Variants in ZNF280D observed in about 807,000 individuals in gnomAD.
ZNF280D encodes suppressor of hairy wing homolog 4.
ZNF280D carries 39 observed loss-of-function variants against 94.7 expected under a neutral mutation model. The ratio of observed to expected loss-of-function variants is 0.41; its 90% CI spans 0.32 to 0.54. The LOEUF (loss-of-function observed/expected upper bound fraction) is 0.54, where lower values mean the gene tolerates loss of function less well. Among genes scored for constraint, ZNF280D ranks in the 20% least tolerant of loss-of-function variants. The pLI, the probability that ZNF280D is intolerant of heterozygous loss-of-function variation, is 0.22. For missense variants in ZNF280D, 1,090 were observed against 1,149.3 expected, an observed-to-expected ratio of 0.95 and a Z score of 0.75; for synonymous variants, 398 against 377.6, an observed-to-expected ratio of 1.05 and a Z score of -0.63.
chr15:56,713,729 A>T (rs1243568811), intron 1 of ZNF280D, among the ~76,000 whole-genome samples: 1 of 152,184 alleles, frequency 6.6e-6, no homozygotes, highest in Non-Finnish European at 1.5e-5. Context: ...AATTAATTTT[A>T]TTTAATGTTC....
At chr15:56,690,324 G>A (rs1175962934) in intron 7 of ZNF280D, among the ~76,000 whole-genome samples, 3 of 152,136 alleles carry the variant, frequency 2.0e-5, no homozygotes, top group Non-Finnish European at 2.9e-5. Context: ...GGTGCTTGCA[G>A]TGAGCCGAGA....
intron 6 of ZNF280D, among the ~76,000 whole-genome samples, chr15:56,694,906 G>A (rs1461944033): frequency 3.3e-5 from 5 of 152,148 alleles, no homozygotes; most frequent in African/African-American, 1.2e-4. Context: ...AGGGGTATAT[G>A]GGAACTGTTT....
chr15:56,650,718 G>A (rs1445661941), intron 19 of ZNF280D, among the ~76,000 whole-genome samples: 3 of 152,038 alleles, frequency 2.0e-5, no homozygotes, highest in African/African-American at 7.2e-5. Flanking sequence ...TCAACTTTTT[G>A]TCAAGAAAAA....
chr15:56,632,075 G>T lies in ZNF280D; in HGVS notation c.2363C>A (p.Ala788Glu). ...TGTTGATGAGCCTTCAAATGAATTT[G>T]CATTACATCCATTTTTTTCTTTTGA... ...ASSKEKNGCNANSFEGSSTTK... is the reference protein window; with the variant it reads ...ASSKEKNGCNENSFEGSSTTK... Residue 788 changes from alanine (A) to glutamate (E), a missense_variant, in exon 22 of 22, where the codon GCA becomes GAA. This residue lies in a region of ZNF280D where 577 missense variants were observed against 568.8 expected (regional missense o/e 1.01). Transcript: ENST00000267807. 6.3e-7 allele frequency: 1 copy of T among 1,595,374 alleles called. No individual in the cohort carries two copies.
rs561521522 is a variant in ZNF280D at position 56,679,740 on chromosome 15, T to G, written c.1005-919A>C. ...TAAAAGAAATTATCTTGAAACTAAG[T>G]GATAATGTCATCAATCTAGATAGCA... On this transcript the variant is annotated intron_variant, in intron 10 of 21. Coordinates refer to ENST00000267807, the MANE Select transcript of ZNF280D (RefSeq NM_017661.4). Among the ~76,000 whole-genome samples the G allele has an allele frequency of 7.3e-4, 111 of 152,334 alleles. 1 individual carries two copies. Among genetic ancestry groups the G allele is most frequent in the African/African-American group, 2.5e-3 (106 of 41,576 alleles).
intron 20 of ZNF280D, among the ~76,000 whole-genome samples, chr15:56,641,427 AT>A (rs2052622248): frequency 1.3e-5 from 2 of 151,974 alleles, no homozygotes; most frequent in Non-Finnish European, 2.9e-5. Context: ...GTCATTTGAT[AT>A]TATATCTTTT....
chr15:56,669,914 TTATATATATATTA>T (rs2054635535), intron 13 of ZNF280D, among the ~76,000 whole-genome samples: 2 of 2,678 alleles, frequency 7.5e-4, no homozygotes, highest in Admixed American at 8.1e-3. Context: ...TATATATATA[TTATATATATATTA>T]TATATATATT....
At chr15:56,679,795 T>G (rs982769489) in intron 10 of ZNF280D, among the ~76,000 whole-genome samples, 2 of 152,208 alleles carry the variant, frequency 1.3e-5, no homozygotes, top group African/African-American at 2.4e-5. Flanking sequence ...TATATACCTC[T>G]TTTCACAAAT....
chr15:56,710,127 G>C (rs1203283462), intron 1 of ZNF280D, among the ~76,000 whole-genome samples: 5 of 152,244 alleles, frequency 3.3e-5, no homozygotes, highest in African/African-American at 1.2e-4. Context: ...AAAAGGACGG[G>C]CGCGGCGGCT....
intron 1 of ZNF280D, among the ~76,000 whole-genome samples, chr15:56,721,627 A>T (rs2058365241): frequency 6.6e-6 from 1 of 151,868 alleles, no homozygotes; most frequent in Admixed American, 6.6e-5. Context: ...AACCTCATGA[A>T]CTCATCTCTG....
rs1383207246 is a variant in ZNF280D, at chr15:56,677,617, A to T, written c.1220T>A (p.Met407Lys). The T allele has an allele frequency of 6.2e-7, 1 of 1,610,352 alleles. No individual in the cohort carries two copies. The highest frequency in any genetic ancestry group is 1.7e-5 in the Admixed American group (1 of 59,650). The change falls in exon 12 of 22, where the codon ATG (methionine) becomes AAG (lysine). Residue 407 changes from methionine (M) to lysine (K), a missense_variant. Around this residue, in one of 3 missense-constraint regions of ZNF280D, gnomAD observed 127 missense variants for 208.6 expected, o/e 0.61. Coordinates refer to ENST00000267807, the MANE Select transcript of ZNF280D (RefSeq NM_017661.4). ...TTCACCAGGTTTATGATTGTCCTTC[A>T]TATGTTGTAAAAGAACATGTTCTGT... ...FETEHVLLQH[M>K]KDNHKPGEMP... is the part of the protein sequence containing the mutation.
At chr15:56,723,650 T>C (rs1175769590) in intron 1 of ZNF280D, among the ~76,000 whole-genome samples, 1 of 152,208 alleles carries the variant, frequency 6.6e-6, no homozygotes, top group East Asian at 1.9e-4. Flanking sequence ...CTTTTAATTA[T>C]ATCTAGTCAA....
intron 9 of ZNF280D, among the ~76,000 whole-genome samples, chr15:56,683,396 G>A (rs773337454): frequency 6.6e-6 from 1 of 152,122 alleles, no homozygotes; most frequent in African/African-American, 2.4e-5. Context: ...CTACGGAGGG[G>A]CATAGCTGAG....
intron 1 of ZNF280D, chr15:56,729,884 T>A (rs560347608): frequency 1.3e-5 from 2 of 152,344 alleles, no homozygotes; most frequent in Non-Finnish European, 2.9e-5. Flanking sequence ...AGCGTTCAAA[T>A]GTGATGTATA....
intron 20 of ZNF280D, among the ~76,000 whole-genome samples, chr15:56,637,482 C>G (rs181074263): frequency 5.9e-5 from 9 of 152,244 alleles, no homozygotes; most frequent in African/African-American, 2.2e-4. Context: ...CACCTGGCCT[C>G]TCCATAATGA....
intron 20 of ZNF280D, 146 bp from the exon 21 acceptor site, chr15:56,635,396 T>C (rs2052305752): frequency 4.4e-6 from 1 of 227,508 alleles, no homozygotes; most frequent in Admixed American, 5.7e-5. Flanking sequence ...ATATAAAATA[T>C]AATTAGAATA....
At chr15:56,694,125 A>G (rs955537915) in intron 6 of ZNF280D, among the ~76,000 whole-genome samples, 6 of 152,190 alleles carry the variant, frequency 3.9e-5, no homozygotes, top group Non-Finnish European at 5.9e-5. Flanking sequence ...GAAGATCTTA[A>G]GAAGAGAGGA....
rs372082345 is a variant in ZNF280D, at chr15:56,700,809, G to A, written c.381+124C>T. On this transcript the variant is annotated intron_variant, in intron 6 of 21. Transcript: ENST00000267807. Reference sequence around the variant, plus strand: ...CGAAAATATGGTGACATTTTCTGATGCTAACTATGCTTCTACTGGATGACT... The same window carrying A: ...CGAAAATATGGTGACATTTTCTGATACTAACTATGCTTCTACTGGATGACT... 524 of 1,566,974 alleles carry A rather than the reference G, an allele frequency of 3.3e-4. 2 individuals are homozygous for A. The African/African-American group carries it at 6.4e-3, about 19-fold the overall frequency.
At chr15:56,638,382 A>C (rs1596322825) in intron 20 of ZNF280D, among the ~76,000 whole-genome samples, 1 of 152,356 alleles carries the variant, frequency 6.6e-6, no homozygotes, top group Middle Eastern at 3.4e-3. Context: ...AAGCAAAAAA[A>C]GTCAGTGATA....
Sources: allele counts gnomAD v4.1 joint callset (sites outside exome capture counted in the v4.1 genomes callset), GRCh38; gene constraint gnomAD v4.1.1; regional missense constraint gnomAD v4.1.1; transcripts MANE v1.5; gene names NCBI Gene and HGNC (gene_info 2026-07-23, HGNC 2026-07-21).